CALN1: variants seen among roughly 807,000 people sequenced by gnomAD.
CALN1 encodes the protein calcium-binding protein 8.
In CALN1, 17 loss-of-function variants were observed where a neutral mutation model predicts 30.6. The observed-to-expected ratio is 0.56, with a 90% CI of 0.38 to 0.83. CALN1 has a LOEUF of 0.83. CALN1 is among the 40% of genes least tolerant of loss of function. The probability of loss-of-function intolerance (pLI) is 0.00; values close to 1 mark genes in which losing one functional copy is unlikely to be tolerated. For missense variants in CALN1, 291 were observed against 354.9 expected, an observed-to-expected ratio of 0.82 and a Z score of 1.45; for synonymous variants, 156 against 131.4, an observed-to-expected ratio of 1.19 and a Z score of -1.28.
chr7:72,119,438 T>C (rs1416372745), intron 3 of CALN1, among the ~76,000 whole-genome samples: 1 of 151,528 alleles, frequency 6.6e-6, no homozygotes, highest in Non-Finnish European at 1.5e-5. Flanking sequence ...GTCCCTCCCA[T>C]AACACATTGG....
At chr7:72,383,271 C>G (rs984495881) in intron 2 of CALN1, among the ~76,000 whole-genome samples, 5 of 152,144 alleles carry the variant, frequency 3.3e-5, no homozygotes, top group African/African-American at 1.2e-4. Context: ...TCCCTTGGGT[C>G]TATATTCTGT....
At chr7:72,109,426 A>G (rs1807404298) in intron 3 of CALN1, among the ~76,000 whole-genome samples, 1 of 152,150 alleles carries the variant, frequency 6.6e-6, no homozygotes, top group Non-Finnish European at 1.5e-5. Context: ...TAAGTGAAGA[A>G]CAGGAAGCCT....
intron 3 of CALN1, among the ~76,000 whole-genome samples, chr7:72,196,274 T>G (rs1790994031): frequency 6.6e-6 from 1 of 152,162 alleles, no homozygotes; most frequent in Non-Finnish European, 1.5e-5. Flanking sequence ...CATACCGCCA[T>G]GCCTGGGTAA....
chr7:72,354,116 G>C (rs374729351), intron 2 of CALN1, among the ~76,000 whole-genome samples: 11 of 152,292 alleles, frequency 7.2e-5, no homozygotes, highest in African/African-American at 2.4e-4. Context: ...GAACCCAAGA[G>C]GGGGAGGTTG....
chr7:72,097,093 G>A (rs1806288282), intron 4 of CALN1, among the ~76,000 whole-genome samples: 1 of 152,064 alleles, frequency 6.6e-6, no homozygotes, highest in South Asian at 2.1e-4. Flanking sequence ...CTCACTCATA[G>A]GTGGGAATTG....
chr7:72,052,234 A>C (rs922697085), intron 4 of CALN1, among the ~76,000 whole-genome samples: 1 of 152,218 alleles, frequency 6.6e-6, no homozygotes, highest in Admixed American at 6.5e-5. Flanking sequence ...AACCATTTAG[A>C]AAATGGAGTA....
rs182332264 is a variant in CALN1 at position 71,815,516 on chromosome 7, T to C, written c.502-5024A>G. On this transcript the variant is annotated intron_variant, in intron 5 of 6. Transcript: ENST00000395275. ...GAATGACCTAGGAATTCAACCTGAG[T>C]AGATCCTCAACCATCCCACAAAGGA... 3.6e-3 allele frequency among the ~76,000 whole-genome samples: 555 copies of C among 152,220 alleles called. 4 individuals carry two copies. Among genetic ancestry groups the C allele is most frequent in the African/African-American group, 0.012 (516 of 41,548 alleles).
intron 5 of CALN1, among the ~76,000 whole-genome samples, chr7:71,888,526 T>C (rs1223223926): frequency 2.0e-5 from 3 of 150,722 alleles, no homozygotes; most frequent in African/African-American, 7.3e-5. Context: ...TGAATACCTA[T>C]GTCCAATACA....
chr7:72,436,372 T>C (rs935214891), intron 1 of CALN1, among the ~76,000 whole-genome samples: 1 of 152,216 alleles, frequency 6.6e-6, no homozygotes, highest in Non-Finnish European at 1.5e-5. Flanking sequence ...TCTGCTACCA[T>C]GTAAGATGTG....
At chr7:71,833,145 G>A (rs1183034471) in intron 5 of CALN1, among the ~76,000 whole-genome samples, 1 of 152,168 alleles carries the variant, frequency 6.6e-6, no homozygotes, top group Non-Finnish European at 1.5e-5. Flanking sequence ...GCCTCCTAGA[G>A]TTCTAGGGGT....
intron 5 of CALN1, among the ~76,000 whole-genome samples, chr7:71,821,086 C>A (rs557732452): frequency 6.6e-6 from 1 of 152,038 alleles, no homozygotes; most frequent in African/African-American, 2.4e-5. Flanking sequence ...GTAGAATAGC[C>A]TAGGATGCAG....
chr7:72,230,601 G>A (rs1207846640), intron 3 of CALN1, among the ~76,000 whole-genome samples: 1 of 151,882 alleles, frequency 6.6e-6, no homozygotes, highest in African/African-American at 2.4e-5. Context: ...TGGAAGAGGA[G>A]ATATGAGCTA....
chr7:72,403,561 AAC>A (rs1806494720), intron 1 of CALN1, 119 bp from the exon 2 acceptor site: 1 of 467,710 alleles, frequency 2.1e-6, no homozygotes, highest in Admixed American at 3.6e-5. Context: ...CAATGGTAGA[AAC>A]ACAATCCTGG....
At chr7:72,152,037 T>C (rs868521051) in intron 3 of CALN1, among the ~76,000 whole-genome samples, 27 of 151,740 alleles carry the variant, frequency 1.8e-4, no homozygotes, top group African/African-American at 6.0e-4. Flanking sequence ...GCCTCCCAGG[T>C]AGCTTGGATT....
intron 3 of CALN1, among the ~76,000 whole-genome samples, chr7:72,119,624 T>C (rs1368714523): frequency 6.7e-6 from 1 of 150,084 alleles, no homozygotes; most frequent in Admixed American, 6.6e-5. Context: ...GAAAAAGGGG[T>C]TTAATGGACT....
At position 72,143,667 on chromosome 7, in the gene CALN1, T is replaced by C. The variant is rs549577556; in HGVS notation, c.245-37373A>G. Among the ~76,000 whole-genome samples the C allele has an allele frequency of 8.0e-4, 121 of 152,084 alleles. 1 individual carries two copies. The highest frequency in any genetic ancestry group is 2.9e-3 in the African/African-American group (120 of 41,460). On this transcript the variant is annotated intron_variant, in intron 3 of 6. Transcript: ENST00000395275. ...TCGAGAAGAGCAACTCCAAGACACATAATTGTCAGATTCACCAAAGTTGAA... is the reference window on the plus strand; with the variant it reads ...TCGAGAAGAGCAACTCCAAGACACACAATTGTCAGATTCACCAAAGTTGAA...
chr7:72,234,914 A>G lies in CALN1; in HGVS notation c.244+43772T>C, dbSNP rs577705175. ...ATAATAGCAAATGCTTCTAGTTGCTATTGCTATAATTTCCCAACATATTGA... is the reference window on the plus strand; with the variant it reads ...ATAATAGCAAATGCTTCTAGTTGCTGTTGCTATAATTTCCCAACATATTGA... On this transcript the variant is annotated intron_variant, in intron 3 of 6. Transcript: ENST00000395275. 1.9e-4 allele frequency among the ~76,000 whole-genome samples: 29 copies of G among 152,320 alleles called. No homozygotes were observed. The Middle Eastern group carries it at 0.01, about 54-fold the overall frequency.
chr7:72,263,520 T>C (rs2129552969), intron 3 of CALN1, among the ~76,000 whole-genome samples: 1 of 152,256 alleles, frequency 6.6e-6, no homozygotes, highest in African/African-American at 2.4e-5. Flanking sequence ...CTCAGCTTGC[T>C]GGGCAACTTG....
intron 5 of CALN1, among the ~76,000 whole-genome samples, chr7:71,947,256 C>G (rs1796452604): frequency 6.6e-6 from 1 of 152,160 alleles, no homozygotes. Context: ...GGCGATCTGC[C>G]CACCTCGGCC....
Sources: allele counts gnomAD v4.1 joint callset (sites outside exome capture counted in the v4.1 genomes callset), GRCh38; gene constraint gnomAD v4.1.1; transcripts MANE v1.5; gene names NCBI Gene and HGNC (gene_info 2026-07-23, HGNC 2026-07-21).